The following COMMD1 variants were observed in gnomAD, a reference collection of about 807,000 sequenced individuals.
COMMD1 encodes the protein COMM domain-containing protein 1.
A neutral mutation model predicts 17.2 loss-of-function variants in COMMD1; 10 were observed. The ratio of observed to expected loss-of-function variants is 0.58; its 90% CI spans 0.36 to 0.99. The LOEUF (loss-of-function observed/expected upper bound fraction) is 0.99, where lower values mean the gene tolerates loss of function less well. Among genes scored for constraint, COMMD1 ranks in the 50% least tolerant of loss-of-function variants. The pLI is 0.01. For synonymous variants in COMMD1, 97 were observed against 91.6 expected (o/e 1.06, Z -0.34); for missense variants, 270 against 231.8 (o/e 1.17, Z -1.07).
intron 2 of COMMD1, among the ~76,000 whole-genome samples, chr2:62,121,779 G>C (rs1356326781): frequency 3.3e-5 from 5 of 150,046 alleles, no homozygotes; most frequent in African/African-American, 1.2e-4. Context: ...AAAAAACATA[G>C]AAATTAGCCA....
intron 2 of COMMD1, among the ~76,000 whole-genome samples, chr2:62,093,456 A>G (rs1671900971): frequency 6.6e-6 from 1 of 152,206 alleles, no homozygotes; most frequent in African/African-American, 2.4e-5. Flanking sequence ...GCAATTGTGC[A>G]CCTATGGGAA....
At chr2:62,127,705 C>A (rs554740881) in intron 2 of COMMD1, among the ~76,000 whole-genome samples, 1 of 152,120 alleles carries the variant, frequency 6.6e-6, no homozygotes, top group Non-Finnish European at 1.5e-5. Context: ...CCATTCCTCA[C>A]GCCTTATATA....
chr2:62,067,854 G>C (rs1380277835), intron 2 of COMMD1, among the ~76,000 whole-genome samples: 2 of 152,186 alleles, frequency 1.3e-5, no homozygotes, highest in Admixed American at 1.3e-4. Context: ...GTTTCTTTCA[G>C]CTTAAAATAC....
chr2:61,888,604 A>C (rs1223115101), upstream of COMMD1: 7 of 1,399,904 alleles, frequency 5.0e-6, no homozygotes, highest in African/African-American at 1.0e-4. Flanking sequence ...CACTGCCTTC[A>C]CGAACCTTCC....
At chr2:62,027,169 T>G (rs1394540660) in intron 2 of COMMD1, among the ~76,000 whole-genome samples, 2 of 152,222 alleles carry the variant, frequency 1.3e-5, no homozygotes, top group Non-Finnish European at 2.9e-5. Flanking sequence ...GCAGTTTCTT[T>G]CTTAATATTG....
chr2:62,012,963 C>A (rs1017908855), intron 2 of COMMD1, among the ~76,000 whole-genome samples: 4 of 151,908 alleles, frequency 2.6e-5, no homozygotes, highest in Non-Finnish European at 5.9e-5. Context: ...TCTGGGGGCA[C>A]AAAATACAGG....
intron 2 of COMMD1, among the ~76,000 whole-genome samples, chr2:62,009,790 TAAAATAA>T (rs1232033225): frequency 1.3e-5 from 2 of 151,736 alleles, no homozygotes; most frequent in African/African-American, 2.4e-5. Flanking sequence ...CAAAGTAAAA[TAAAATAA>T]AAAATAAAAA....
chr2:61,985,191 C>T (rs1672072498), intron 1 of COMMD1, among the ~76,000 whole-genome samples: 1 of 152,074 alleles, frequency 6.6e-6, no homozygotes, highest in Non-Finnish European at 1.5e-5. Context: ...GCTGGGACTA[C>T]AGGCGCCCAC....
chr2:62,003,088 C>T (rs187345053), intron 2 of COMMD1, among the ~76,000 whole-genome samples: 1 of 151,924 alleles, frequency 6.6e-6, no homozygotes, highest in Non-Finnish European at 1.5e-5. Flanking sequence ...CAAAAATTAG[C>T]TGGGCATGGT....
chr2:61,960,528 G>T (rs1297723929), intron 1 of COMMD1, among the ~76,000 whole-genome samples: 2 of 152,184 alleles, frequency 1.3e-5, no homozygotes, highest in African/African-American at 4.8e-5. Flanking sequence ...ACTAATGTCA[G>T]AATTTTTAGC....
chr2:61,936,410 A>T (rs1007092078), intron 1 of COMMD1, among the ~76,000 whole-genome samples: 1 of 152,246 alleles, frequency 6.6e-6, no homozygotes, highest in Admixed American at 6.5e-5. Flanking sequence ...TGTGAATGAC[A>T]AAAGACCTAA....
At chr2:62,027,450 A>T (rs1669789950) in intron 2 of COMMD1, among the ~76,000 whole-genome samples, 1 of 152,052 alleles carries the variant, frequency 6.6e-6, no homozygotes, top group Non-Finnish European at 1.5e-5. Flanking sequence ...TTCATTCATA[A>T]TTTTTTTGTC....
chr2:62,009,106 G>T (rs1416461700), intron 2 of COMMD1, among the ~76,000 whole-genome samples: 1 of 151,970 alleles, frequency 6.6e-6, no homozygotes, highest in Non-Finnish European at 1.5e-5. Flanking sequence ...AAAAAAAACA[G>T]ATAAAGGAAT....
intron 2 of COMMD1, among the ~76,000 whole-genome samples, chr2:62,133,602 A>G (rs936494930): frequency 6.6e-6 from 1 of 152,192 alleles, no homozygotes; most frequent in Non-Finnish European, 1.5e-5. Flanking sequence ...AAGCTTGCAT[A>G]CCATTTTAAC....
intron 2 of COMMD1, among the ~76,000 whole-genome samples, chr2:62,065,407 G>A (rs1179410104): frequency 1.6e-5 from 2 of 124,670 alleles, no homozygotes; most frequent in Non-Finnish European, 3.2e-5. Flanking sequence ...GTGCAGTGGT[G>A]TGACCTCCTG....
intron 1 of COMMD1, among the ~76,000 whole-genome samples, chr2:61,986,520 A>G (rs1248856523): frequency 6.9e-6 from 1 of 145,878 alleles, no homozygotes; most frequent in Non-Finnish European, 1.5e-5. Context: ...CTCTTAGAGA[A>G]GCCCTTTTGA....
chr2:62,116,313 A>G (rs892066904), intron 2 of COMMD1, among the ~76,000 whole-genome samples: 4 of 152,192 alleles, frequency 2.6e-5, no homozygotes, highest in African/African-American at 9.7e-5. Context: ...AAAGTTGCCA[A>G]ACCAAGTTGA....
chr2:61,916,049 C>T (rs139105705), intron 1 of COMMD1, among the ~76,000 whole-genome samples: 9 of 152,202 alleles, frequency 5.9e-5, no homozygotes, highest in African/African-American at 2.2e-4. Context: ...TGGTTTACTG[C>T]AGTCTTGACC....
intron 2 of COMMD1, among the ~76,000 whole-genome samples, chr2:62,058,619 G>A (rs756643561): frequency 6.6e-6 from 1 of 151,986 alleles, no homozygotes; most frequent in Non-Finnish European, 1.5e-5. Context: ...CACTCGTGTG[G>A]TCCCAGCTAC....
Sources: allele counts gnomAD v4.1 joint callset (sites outside exome capture counted in the v4.1 genomes callset), GRCh38; gene constraint gnomAD v4.1.1; transcripts MANE v1.5; gene names NCBI Gene and HGNC (gene_info 2026-07-23, HGNC 2026-07-21).